The following CD226 variants were observed in gnomAD, a reference collection of about 807,000 sequenced individuals.
CD226 encodes CD226 molecule.
In CD226, 24 loss-of-function variants were observed where a neutral mutation model predicts 34.9. The observed-to-expected ratio is 0.69, with a 90% CI of 0.50 to 0.97. CD226 has a LOEUF of 0.97. CD226 is among the 50% of genes least tolerant of loss of function. The pLI is 0.00. For synonymous variants in CD226, 148 were observed against 147.4 expected, an observed-to-expected ratio of 1.00 and a Z score of -0.03; for missense variants, 397 against 412.7, an observed-to-expected ratio of 0.96 and a Z score of 0.33.
chr18:69,946,688 T>C (rs1186543805), intron 2 of CD226, 46 bp downstream of exon 2: 1 of 1,231,466 alleles, frequency 8.1e-7, no homozygotes, highest in Non-Finnish European at 1.2e-6. Flanking sequence ...ATAAATGTTG[T>C]AAGTGGATAA....
chr18:69,883,324 T>G (rs181528438), intron 3 of CD226, among the ~76,000 whole-genome samples: 1 of 152,154 alleles, frequency 6.6e-6, no homozygotes, highest in African/African-American at 2.4e-5. Context: ...AAATAGACTA[T>G]GGAATATTGA....
intron 2 of CD226, among the ~76,000 whole-genome samples, chr18:69,917,766 T>C (rs930028453): frequency 1.3e-5 from 2 of 152,212 alleles, no homozygotes; most frequent in Non-Finnish European, 2.9e-5. Context: ...TTCATACAGC[T>C]TCTTGGACAA....
At chr18:69,874,254 G>A (rs923741830) in intron 3 of CD226, among the ~76,000 whole-genome samples, 7 of 152,308 alleles carry the variant, frequency 4.6e-5, no homozygotes, top group African/African-American at 1.4e-4. Flanking sequence ...AATCAACTGC[G>A]ATTAGAGAAA....
intron 2 of CD226, among the ~76,000 whole-genome samples, chr18:69,912,679 T>C (rs1004959209): frequency 6.6e-6 from 1 of 152,266 alleles, no homozygotes. Context: ...TGATTAATAA[T>C]AATAACAGCT....
chr18:69,914,876 T>C (rs901399298), intron 2 of CD226, among the ~76,000 whole-genome samples: 3 of 152,088 alleles, frequency 2.0e-5, no homozygotes, highest in Non-Finnish European at 4.4e-5. Flanking sequence ...CAAAAAAATA[T>C]TTTTTTACTA....
At chr18:69,931,782 A>T (rs1425621692) in intron 2 of CD226, among the ~76,000 whole-genome samples, 1 of 152,178 alleles carries the variant, frequency 6.6e-6, no homozygotes, top group Non-Finnish European at 1.5e-5. Flanking sequence ...CTTTATCCCC[A>T]CTTAAGCTGC....
chr18:69,873,263 A>G lies in CD226; in HGVS notation c.728-17T>C, dbSNP rs1247467622. 1 of 1,347,760 alleles carries G rather than the reference A, an allele frequency of 7.4e-7. No individual in the cohort carries two copies. Among genetic ancestry groups the G allele is most frequent in the Non-Finnish European group, 1.1e-6 (1 of 945,458 alleles). 83.5% of individuals were successfully genotyped at this position (1,347,760 alleles called of 1,614,324 possible). A position where few individuals can be genotyped will look rare whatever the true frequency, so the allele number is the denominator to read the frequency against. On this transcript the variant is annotated splice_polypyrimidine_tract_variant and intron_variant, in intron 3 of 5. Coordinates refer to ENST00000582621, the MANE Select transcript of CD226 (RefSeq NM_001303618.2). Reference sequence around the variant, plus strand: ...CGGTTTTACCTAGGAGAGAAAAAAAATATTGTAGGAATTAGGAATTCAGCC... The same window carrying G: ...CGGTTTTACCTAGGAGAGAAAAAAAGTATTGTAGGAATTAGGAATTCAGCC...
intron 3 of CD226, among the ~76,000 whole-genome samples, chr18:69,895,355 C>G (rs1985207775): frequency 6.6e-6 from 1 of 152,136 alleles, no homozygotes; most frequent in South Asian, 2.1e-4. Flanking sequence ...TCACCACCAT[C>G]AAAAATATTC....
chr18:69,912,235 C>CATGGA (rs1039391655), intron 2 of CD226, among the ~76,000 whole-genome samples: 11 of 152,292 alleles, frequency 7.2e-5, no homozygotes, highest in African/African-American at 2.6e-4. Flanking sequence ...AGGACATAGG[C>CATGGA]ATGGGCAAGG....
At chr18:69,940,092 T>G (rs1029567721) in intron 2 of CD226, among the ~76,000 whole-genome samples, 4 of 152,144 alleles carry the variant, frequency 2.6e-5, no homozygotes, top group Admixed American at 1.3e-4. Context: ...TCTCATGAGA[T>G]CTGATGGTTT....
At chr18:69,928,690 ATC>A (rs202239354) in intron 2 of CD226, among the ~76,000 whole-genome samples, 5 of 152,194 alleles carry the variant, frequency 3.3e-5, no homozygotes, top group Admixed American at 2.0e-4. Flanking sequence ...AAAATCTGAA[ATC>A]TAAAATGCTC....
chr18:69,941,576 C>G (rs1345798729), intron 2 of CD226, among the ~76,000 whole-genome samples: 1 of 152,176 alleles, frequency 6.6e-6, no homozygotes, highest in Non-Finnish European at 1.5e-5. Context: ...GAGCTAGTAG[C>G]CCCTTTGTTT....
chr18:69,893,010 A>T (rs565686856), intron 3 of CD226, among the ~76,000 whole-genome samples: 5 of 152,344 alleles, frequency 3.3e-5, no homozygotes, highest in Admixed American at 6.5e-5. Context: ...GAGCCTCAAG[A>T]CGTGAAATAA....
At position 69,857,507 on chromosome 18, in the gene CD226, C is replaced by G. The variant is rs1982646633; in HGVS notation, c.*6807G>C. ...ACTGTAAGTACTTTTGGATACCTGG[C>G]ATAAAGGATGTAATGAATACATGAT... On this transcript the variant is annotated 3_prime_UTR_variant, in exon 6 of 6. Coordinates refer to ENST00000582621, the MANE Select transcript of CD226 (RefSeq NM_001303618.2). 6.6e-6 allele frequency: 1 copy of G among 152,066 alleles called. No homozygotes were observed. The highest frequency in any genetic ancestry group is 2.4e-5 in the African/African-American group (1 of 41,406). The allele number at this position is 152,066 out of a possible 1,614,324, so 9.4% of individuals were successfully genotyped here. A position where few individuals can be genotyped will look rare whatever the true frequency, so the allele number is the denominator to read the frequency against.
At chr18:69,906,750 A>G (rs976074057) in intron 2 of CD226, among the ~76,000 whole-genome samples, 2 of 152,214 alleles carry the variant, frequency 1.3e-5, no homozygotes, top group Non-Finnish European at 2.9e-5. Context: ...CTGAAAGATG[A>G]AATCTTTGCT....
In CD226 at chr18:69,896,214, C is replaced by T. The variant is rs1288351364; in HGVS notation, c.383-169G>A. The T allele has an allele frequency of 7.7e-6, 7 of 914,874 alleles. No individual in the cohort carries two copies. In the African/African-American group the frequency reaches 1.3e-4, roughly 17 times the overall value. The allele number at this position is 914,874 out of a possible 1,614,324, so 56.7% of individuals were successfully genotyped here. The stretch of plus-strand genomic sequence containing the variant: ...TTTTTTTTCCTGAGACGGAGTCTTG[C>T]TCTGTCACCCAGACTAGAGTGCAGT... On this transcript the variant is annotated intron_variant, in intron 2 of 5. Coordinates refer to ENST00000582621, the MANE Select transcript of CD226 (RefSeq NM_001303618.2).
rs145937498 is a variant in CD226 at position 69,924,127 on chromosome 18, A to G, written c.382+22607T>C. Reference sequence around the variant, plus strand: ...ACGAGCTTCTTGAATTATACCATAGACCACCGAGCCAACGTCATAGAAGAA... The same window carrying G: ...ACGAGCTTCTTGAATTATACCATAGGCCACCGAGCCAACGTCATAGAAGAA... On this transcript the variant is annotated intron_variant, in intron 2 of 5. Transcript: ENST00000582621. Among the ~76,000 whole-genome samples the G allele has an allele frequency of 2.6e-3, 401 of 152,228 alleles. 12 individuals are homozygous for G. Among genetic ancestry groups the G allele is most frequent in the Middle Eastern group, 0.01 (3 of 294 alleles).
rs951366523 is a variant in CD226 at position 69,857,816 on chromosome 18, T to C, written c.*6498A>G. On this transcript the variant is annotated 3_prime_UTR_variant, in exon 6 of 6. Coordinates refer to ENST00000582621, the MANE Select transcript of CD226 (RefSeq NM_001303618.2). ...GCTCTGCTTTCTTCCTGTAATAATA[T>C]TGGTTTCTATAGGTCAAATGATACA... The C allele has an allele frequency of 6.6e-6, 1 of 152,188 alleles. No individual in the cohort carries two copies. The highest frequency in any genetic ancestry group is 2.4e-5 in the African/African-American group (1 of 41,446). 9.4% of individuals were successfully genotyped at this position (152,188 alleles called of 1,614,324 possible). A position where few individuals can be genotyped will look rare whatever the true frequency, so the allele number is the denominator to read the frequency against.
chr18:69,914,643 T>C (rs1228087970), intron 2 of CD226, among the ~76,000 whole-genome samples: 4 of 152,208 alleles, frequency 2.6e-5, no homozygotes, highest in African/African-American at 9.6e-5. Context: ...ACCATTTCAG[T>C]TGCATTCAGC....
Sources: gnomAD v4.1 joint callset for allele counts (sites outside exome capture counted in the v4.1 genomes callset) on GRCh38, gnomAD v4.1.1 for gene constraint, MANE v1.5 for transcripts, NCBI Gene and HGNC (gene_info 2026-07-23, HGNC 2026-07-21) for gene names.